Variants in ATAD3C observed in about 807,000 individuals in gnomAD.
ATAD3C encodes the protein ATPase family AAA domain-containing protein 3C.
In ATAD3C, 38 loss-of-function variants were observed where a neutral mutation model predicts 46.3. The observed-to-expected ratio is 0.82, with a 90% CI of 0.63 to 1.08. The LOEUF is 1.08. Among genes scored for constraint, ATAD3C ranks in the 50% least tolerant of loss-of-function variants. The probability of loss-of-function intolerance (pLI) is 0.00; values close to 1 mark genes in which losing one functional copy is unlikely to be tolerated. For synonymous variants in ATAD3C, 220 were observed against 236.4 expected (o/e 0.93, Z 0.63); for missense variants, 563 against 572.7 (o/e 0.98, Z 0.17).
Position 1,462,794 on chromosome 1 carries a change from G to A in ATAD3C, c.1089+86G>A. On this transcript the variant is annotated intron_variant, in intron 11 of 11. Transcript: ENST00000378785. This position sits in a 1 kb window ranked among gnomAD's most constrained non-coding sequence, Gnocchi z 4.5. ...TTGCGCCAGGCCTGTCCCAGCACCGGTGTCACGTGGGAGCTTCTGTTGAGG... is the reference window on the plus strand; with the variant it reads ...TTGCGCCAGGCCTGTCCCAGCACCGATGTCACGTGGGAGCTTCTGTTGAGG... 1 of 1,444,078 alleles carries A rather than the reference G, an allele frequency of 6.9e-7. No homozygotes were observed. The highest frequency in any genetic ancestry group is 1.3e-5 in the South Asian group (1 of 79,110). The allele number at this position is 1,444,078 out of a possible 1,614,324, so 89.5% of individuals were successfully genotyped here.
chr1:1,452,953 C>G (rs983085675), intron 3 of ATAD3C, among the ~76,000 whole-genome samples: 1 of 152,072 alleles, frequency 6.6e-6, no homozygotes, highest in African/African-American at 2.4e-5. Context: ...TGCCCAGGCT[C>G]CGGCCTGCTG....
rs772857737 is a variant in ATAD3C, at chr1:1,455,499, C to T, written c.418C>T (p.Leu140=). The change falls in exon 5 of 12, where the codon CTG becomes TTG. Residue 140 remains leucine, a synonymous_variant. Transcript: ENST00000378785. The part of the protein sequence containing the change: ...RRLLSRPQDV[L]EGVVLSPSLE... ...GCTCCTCAGTCGACCCCAGGACGTG[C>T]TGGAGGGTGTTGTGCTTAGTGTAAG... The T allele has an allele frequency of 1.9e-6, 3 of 1,612,474 alleles. No individual in the cohort carries two copies. The highest frequency in any genetic ancestry group is 4.5e-5 in the East Asian group (2 of 44,876).
rs1423233502 is a variant in ATAD3C, at chr1:1,454,331, T to G, written c.223-14T>G. 1 of 1,594,778 alleles carries G rather than the reference T, an allele frequency of 6.3e-7. No homozygotes were observed. The highest frequency in any genetic ancestry group is 8.5e-7 in the Non-Finnish European group (1 of 1,172,502). On this transcript the variant is annotated splice_polypyrimidine_tract_variant and intron_variant, in intron 3 of 11. Coordinates refer to ENST00000378785, the MANE Select transcript of ATAD3C (RefSeq NM_001039211.3). ...GGTGGGGGCCGGTGCGCCAGTGCGG[T>G]GTCTCTGCTGCAGGTGGCTGGGCTG...
chr1:1,465,589 TAAAAAAAAA>T (rs1156747431), intron 11 of ATAD3C, among the ~76,000 whole-genome samples: 1 of 110,524 alleles, frequency 9.0e-6, no homozygotes, highest in Non-Finnish European at 1.9e-5. Flanking sequence ...AGACTGTCTT[TAAAAAAAAA>T]AAAAAAAAAA....
intron 4 of ATAD3C, 134 bp downstream of exon 4, chr1:1,454,634 G>T (rs547710936): frequency 7.0e-7 from 1 of 1,421,232 alleles, no homozygotes; most frequent in Non-Finnish European, 9.3e-7. Context: ...GCTGCTTCAC[G>T]GGTGGGTTTT....
At chr1:1,452,797 C>CAAAAAAAA (rs150422909) in intron 3 of ATAD3C, among the ~76,000 whole-genome samples, 1 of 126,406 alleles carries the variant, frequency 7.9e-6, no homozygotes, top group Non-Finnish European at 1.8e-5. Context: ...GGCTCCTTCT[C>CAAAAAAAA]AAAAAAAAAA....
Position 1,469,101 on chromosome 1 carries a change from A to T in ATAD3C, c.*571A>T, listed in dbSNP as rs1436704108. 6.6e-4 allele frequency: 12 copies of T among 18,284 alleles called. No homozygotes were observed. Among genetic ancestry groups the T allele is most frequent in the African/African-American group, 1.6e-3 (11 of 6,810 alleles). The allele number at this position is 18,284 out of a possible 1,614,324, so 1.1% of individuals were successfully genotyped here. A position where few individuals can be genotyped will look rare whatever the true frequency, so the allele number is the denominator to read the frequency against. ...ACATGGTGAAACTCCATCTCTCCTA[A>T]AAAAAAAAAAAAAAAAAAAAAAAAA... On this transcript the variant is annotated 3_prime_UTR_variant, in exon 12 of 12. Coordinates refer to ENST00000378785, the MANE Select transcript of ATAD3C (RefSeq NM_001039211.3).
rs1160251863 is a variant in ATAD3C at position 1,465,614 on chromosome 1, AG to A, written c.1090-2769del. ...TAAAAAAAAAAAAAAAAAAAAAAAA[AG>A]ATTATTCATTGTTAGTATGTAGAAT... On this transcript the variant is annotated intron_variant, in intron 11 of 11. Transcript: ENST00000378785. 8.1e-5 allele frequency among the ~76,000 whole-genome samples: 12 copies of A among 148,388 alleles called. No homozygotes were observed. In the East Asian group the frequency reaches 1.8e-3, roughly 22 times the overall value.
rs779497351 is a variant in ATAD3C at position 1,460,781 on chromosome 1, G to A, written c.844G>A (p.Glu282Lys). ...GCTGATCCTGGCCAGCTGCCACCCC[G>A]AGCAGTTCGACTGGGCCATCAATGC... ...FMLILASCHP[E>K]QFDWAINACI... Residue 282 changes from glutamate (E) to lysine (K), a missense_variant, in exon 10 of 12, where the codon GAG becomes AAG. Physicochemically the swap from Glu to Lys is moderately conservative, Grantham distance 56. Coordinates refer to ENST00000378785, the MANE Select transcript of ATAD3C (RefSeq NM_001039211.3). 1.6e-5 allele frequency: 25 copies of A among 1,611,004 alleles called. No individual in the cohort carries two copies. Among genetic ancestry groups the A allele is most frequent in the African/African-American group, 4.0e-5 (3 of 74,762 alleles).
At chr1:1,452,159 A>G (rs1175640795) in intron 2 of ATAD3C, 37 bp downstream of exon 2, 1 of 1,608,972 alleles carries the variant, frequency 6.2e-7, no homozygotes, top group African/African-American at 1.3e-5. Flanking sequence ...CCGCAGATGG[A>G]GCCCCCACAG....
intron 11 of ATAD3C, among the ~76,000 whole-genome samples, chr1:1,463,451 T>C (rs1327357303): frequency 6.6e-6 from 1 of 152,040 alleles, no homozygotes; most frequent in Non-Finnish European, 1.5e-5. Context: ...ACTACCTTGA[T>C]TTGAACGTAG....
Position 1,460,796 on chromosome 1 carries a change from G to A in ATAD3C, c.859G>A (p.Ala287Thr). ...ASCHPEQFDW[A>T]INACIDVMVH... ...CTGCCACCCCGAGCAGTTCGACTGGGCCATCAATGCCTGCATCGACGTGAT... is the reference window on the plus strand; with the variant it reads ...CTGCCACCCCGAGCAGTTCGACTGGACCATCAATGCCTGCATCGACGTGAT... The change falls in exon 10 of 12, where the codon GCC (alanine) becomes ACC (threonine). Residue 287 changes from alanine to threonine, a missense_variant. Around this residue, in one of 3 missense-constraint regions of ATAD3C, gnomAD observed 273 missense variants for 253.5 expected, o/e 1.08. Transcript: ENST00000378785. 2 of 1,612,494 alleles carry A rather than the reference G, an allele frequency of 1.2e-6. No individual in the cohort carries two copies. The highest frequency in any genetic ancestry group is 1.7e-6 in the Non-Finnish European group (2 of 1,179,210).
chr1:1,456,967 C>A (rs957057893), intron 7 of ATAD3C, among the ~76,000 whole-genome samples, 162 bp from the exon 8 acceptor site: 1 of 152,002 alleles, frequency 6.6e-6, no homozygotes, highest in South Asian at 2.1e-4. Flanking sequence ...CTGCTTCTGT[C>A]GGTGGATCAG....
chr1:1,468,929 A>G lies in ATAD3C; in HGVS notation c.*399A>G. On this transcript the variant is annotated 3_prime_UTR_variant, in exon 12 of 12. Coordinates refer to ENST00000378785, the MANE Select transcript of ATAD3C (RefSeq NM_001039211.3). ...CACGCGAAACAGACACAGCGGCTTC[A>G]AATAGATGCCGCCCCTGCCCGCGCT... 1 of 231,188 alleles carries G rather than the reference A, an allele frequency of 4.3e-6. No individual in the cohort carries two copies. Among genetic ancestry groups the G allele is most frequent in the Non-Finnish European group, 8.5e-6 (1 of 117,146 alleles). The allele number at this position is 231,188 out of a possible 1,614,324, so 14.3% of individuals were successfully genotyped here.
Position 1,455,910 on chromosome 1 carries a change from T to C in ATAD3C, c.558T>C (p.Phe186=). ...CACCAGGCACCGGGAAGACGCTGTT[T>C]GCCAAGGTGAGAGTGCCTAGCTGAA... ...YGPPGTGKTL[F]AKKLALHSGM... Residue 186 remains phenylalanine, a synonymous_variant, in exon 6 of 12, where the codon TTT becomes TTC. Transcript: ENST00000378785. 3.1e-6 allele frequency: 5 copies of C among 1,613,188 alleles called. No homozygotes were observed. Among genetic ancestry groups the C allele is most frequent in the Non-Finnish European group, 4.2e-6 (5 of 1,179,674 alleles).
In ATAD3C at chr1:1,460,671, G is replaced by A. The variant is rs868356686; in HGVS notation, c.813-79G>A. 9.7e-6 allele frequency: 14 copies of A among 1,446,850 alleles called. No individual in the cohort carries two copies. The South Asian group carries it at 1.9e-4, about 20-fold the overall frequency. 89.6% of individuals were successfully genotyped at this position (1,446,850 alleles called of 1,614,324 possible). ...GATTCTCCCAGAAAGTCTTCCTGAG[G>A]GGGCTGAGGAGCACCTGTTCCCCTG... is the stretch of plus-strand genomic sequence containing the variant. On this transcript the variant is annotated intron_variant, in intron 9 of 11. Coordinates refer to ENST00000378785, the MANE Select transcript of ATAD3C (RefSeq NM_001039211.3).
intron 9 of ATAD3C, among the ~76,000 whole-genome samples, chr1:1,460,246 G>C (rs1639033358): frequency 1.3e-5 from 2 of 151,784 alleles, no homozygotes; most frequent in African/African-American, 2.4e-5. Context: ...CTGATTTTTT[G>C]TATTTTTTCT....
At chr1:1,467,852 C>T (rs1299383729) in intron 11 of ATAD3C, among the ~76,000 whole-genome samples, 1 of 152,074 alleles carries the variant, frequency 6.6e-6, no homozygotes, top group Non-Finnish European at 1.5e-5. Flanking sequence ...CCAAGGGCCA[C>T]AGCCCCAGCA....
intron 8 of ATAD3C, among the ~76,000 whole-genome samples, chr1:1,457,747 C>A (rs1297928476): frequency 1.3e-5 from 2 of 151,338 alleles, no homozygotes; most frequent in Non-Finnish European, 2.9e-5. Flanking sequence ...GGCGTGATCT[C>A]GGCTCACTGC....
Sources: gnomAD v4.1 joint callset for allele counts (sites outside exome capture counted in the v4.1 genomes callset) on GRCh38, gnomAD v4.1.1 for gene constraint, gnomAD v4.1.1 regional missense constraint, Gnocchi (gnomAD v3.1) non-coding constraint, MANE v1.5 for transcripts, NCBI Gene and HGNC (gene_info 2026-07-23, HGNC 2026-07-21) for gene names.